Variants in CIMAP1D observed in about 807,000 individuals in gnomAD.
CIMAP1D encodes the protein CIMAP1 family member D.
the CIMAP1D span, among the ~76,000 whole-genome samples, chr19:477,755 C>T: frequency 2.0e-5 from 3 of 152,336 alleles, no homozygotes; most frequent in Admixed American, 6.5e-5. Context: ...CTCCGCCTCC[C>T]GGGTTCACGC....
the CIMAP1D span, chr19:464,068 G>C: frequency 5.1e-6 from 8 of 1,576,460 alleles, no homozygotes; most frequent in Non-Finnish European, 6.9e-6. Flanking sequence ...AGGCGCTGGC[G>C]GTAGGTGTTT....
chr19:490,403 T>C, the CIMAP1D span: 1 of 149,664 alleles, frequency 6.7e-6, no homozygotes, highest in Non-Finnish European at 1.5e-5. Context: ...TATCTTTATC[T>C]TATTTAATCC....
the CIMAP1D span, among the ~76,000 whole-genome samples, chr19:480,477 G>A: frequency 2.2e-5 from 3 of 138,022 alleles, no homozygotes; most frequent in Non-Finnish European, 4.6e-5. Flanking sequence ...AAGGATGATG[G>A]GGAAGGATGA....
At chr19:484,142 T>TC in the CIMAP1D span, among the ~76,000 whole-genome samples, 1,360 of 92,702 alleles carry the variant, frequency 0.015, 26 homozygotes, top group African/African-American at 0.04. Flanking sequence ...TCTTTTTCTT[T>TC]TTTTTTTTTT....
At chr19:463,426 C>T in the CIMAP1D span, 10 of 252,488 alleles carry the variant, frequency 4.0e-5, no homozygotes, top group South Asian at 3.4e-4. Context: ...GCACAGGCCT[C>T]GGGGCTGCCT....
the CIMAP1D span, among the ~76,000 whole-genome samples, chr19:483,682 ATG>A: frequency 6.6e-5 from 10 of 152,156 alleles, no homozygotes; most frequent in Admixed American, 5.2e-4. Context: ...CCCACCTGGG[ATG>A]TCCACAGGGC....
chr19:484,133 C>CTTTTTT, the CIMAP1D span, among the ~76,000 whole-genome samples: 2 of 136,986 alleles, frequency 1.5e-5, no homozygotes, highest in South Asian at 3.3e-4. Context: ...CTTTTCTTTT[C>CTTTTTT]TTTTTCTTTT....
the CIMAP1D span, among the ~76,000 whole-genome samples, chr19:464,853 G>A: frequency 1.2e-4 from 19 of 152,296 alleles, no homozygotes; most frequent in African/African-American, 4.1e-4. Context: ...GGAGTGAATG[G>A]TTCATGAAGG....
chr19:485,322 C>A, the CIMAP1D span, among the ~76,000 whole-genome samples: 14 of 152,224 alleles, frequency 9.2e-5, no homozygotes, highest in Admixed American at 7.2e-4. Context: ...AGGAGCCGGG[C>A]GTGCCCGAGC....
chr19:480,469 G>C, the CIMAP1D span, among the ~76,000 whole-genome samples: 2 of 148,600 alleles, frequency 1.3e-5, no homozygotes, highest in African/African-American at 5.2e-5. Context: ...ATGATGGGAA[G>C]GATGATGGGG....
the CIMAP1D span, among the ~76,000 whole-genome samples, chr19:480,717 T>TGGGAAGGATGATGGGAAGGATGATG: frequency 7.8e-6 from 1 of 128,204 alleles, no homozygotes; most frequent in Non-Finnish European, 1.6e-5. Context: ...AGAAGGAATG[T>TGGGAAGGATGATGGGAAGGATGATG]GGGAAGGATG....
At chr19:487,441 G>A in the CIMAP1D span, among the ~76,000 whole-genome samples, 1 of 152,160 alleles carries the variant, frequency 6.6e-6, no homozygotes, top group Non-Finnish European at 1.5e-5. Context: ...TTCGGGCCGA[G>A]GTCAGCCCAC....
At chr19:470,503 G>A in the CIMAP1D span, among the ~76,000 whole-genome samples, 1 of 152,118 alleles carries the variant, frequency 6.6e-6, no homozygotes, top group African/African-American at 2.4e-5. Flanking sequence ...GAGCCACCGC[G>A]CCCGGCCCAT....
chr19:484,278 T>C, the CIMAP1D span, among the ~76,000 whole-genome samples: 3 of 151,820 alleles, frequency 2.0e-5, no homozygotes, highest in East Asian at 1.9e-4. Flanking sequence ...GTAGCTGGGA[T>C]TACAGGTGTG....
At chr19:489,389 C>T in the CIMAP1D span, 1 of 152,722 alleles carries the variant, frequency 6.5e-6, no homozygotes, top group Non-Finnish European at 1.5e-5. Context: ...GCGGCCCCGA[C>T]CTCTGACCCG....
the CIMAP1D span, among the ~76,000 whole-genome samples, chr19:480,666 G>A: frequency 7.8e-6 from 1 of 127,538 alleles, no homozygotes; most frequent in South Asian, 2.6e-4. Context: ...GAAGGATGAT[G>A]GAGAAGGATG....
At chr19:467,569 G>T in the CIMAP1D span, 1 of 894,110 alleles carries the variant, frequency 1.1e-6, no homozygotes, top group Admixed American at 1.7e-5. Flanking sequence ...AGGATAAGAG[G>T]GGGAGGGAGG....
chr19:468,713 C>T, the CIMAP1D span, among the ~76,000 whole-genome samples: 2 of 152,206 alleles, frequency 1.3e-5, no homozygotes, highest in African/African-American at 4.8e-5. Flanking sequence ...GCAGCGTGAC[C>T]GGTGTTCACG....
the CIMAP1D span, among the ~76,000 whole-genome samples, chr19:468,568 AT>A: frequency 2.9e-3 from 439 of 152,306 alleles, 1 homozygote; most frequent in Middle Eastern, 0.01. Context: ...TGTTGAGAAA[AT>A]CAAAAAGTGA....
Sources: gnomAD v4.1 joint callset for allele counts (sites outside exome capture counted in the v4.1 genomes callset) on GRCh38, gnomAD v4.1.1 for gene constraint, MANE v1.5 for transcripts, NCBI Gene and HGNC (gene_info 2026-07-23, HGNC 2026-07-21) for gene names.